Variants in SPEF2 observed in about 807,000 individuals in gnomAD.
The protein encoded by SPEF2 is sperm flagellar and cilia associated 2.
Under a neutral mutation model 224.6 loss-of-function variants are expected in SPEF2, and 187 were observed. The observed-to-expected ratio is 0.83, with a 90% CI of 0.74 to 0.94. SPEF2 has a LOEUF of 0.94. Ranked by LOEUF, SPEF2 falls within the 40% of genes least tolerant of loss-of-function variation. The pLI is 0.00. For missense variants in SPEF2, 2,170 were observed against 2,135.6 expected (o/e 1.02, Z -0.32); for synonymous variants, 715 against 707.3 (o/e 1.01, Z -0.17).
At chr5:35,629,884 T>C (rs1744837159) in intron 2 of SPEF2, among the ~76,000 whole-genome samples, 1 of 152,242 alleles carries the variant, frequency 6.6e-6, no homozygotes, top group Non-Finnish European at 1.5e-5. Flanking sequence ...TCTTCATTTC[T>C]ATTTATTTTC....
At chr5:35,728,883 T>C (rs1745128939) in intron 21 of SPEF2, among the ~76,000 whole-genome samples, 1 of 151,892 alleles carries the variant, frequency 6.6e-6, no homozygotes, top group East Asian at 1.9e-4. Context: ...TATTAATATA[T>C]ATGTAGGTTC....
intron 20 of SPEF2, among the ~76,000 whole-genome samples, chr5:35,720,837 T>G (rs1307487520): frequency 6.6e-6 from 1 of 152,206 alleles, no homozygotes; most frequent in African/African-American, 2.4e-5. Flanking sequence ...AGGGGCCCTC[T>G]GAAGTATTCA....
intron 21 of SPEF2, among the ~76,000 whole-genome samples, chr5:35,736,468 AGT>A (rs139387194): frequency 0.058 from 8,605 of 148,624 alleles, 288 homozygotes; most frequent in African/African-American, 0.1. Flanking sequence ...CAAGTGACAG[AGT>A]GTGTGTGTGT....
chr5:35,641,929 T>TTTG lies in SPEF2; in HGVS notation c.414+258_414+260dup, dbSNP rs892352847. Reference sequence around the variant, plus strand: ...ACTCTTTTCCTAGTTTCCAGTACTTTTTGTTGTTGTTGTTTTAGAGAGACA... The same window carrying TTTG: ...ACTCTTTTCCTAGTTTCCAGTACTTTTTGTTGTTGTTGTTGTTTTAGAGAGACA... On this transcript the variant is annotated intron_variant, in intron 3 of 36. Coordinates refer to ENST00000356031, the MANE Select transcript of SPEF2 (RefSeq NM_024867.4). Among the ~76,000 whole-genome samples the TTTG allele has an allele frequency of 4.6e-5, 7 of 152,150 alleles. No homozygotes were observed. The East Asian group carries it at 7.7e-4, about 17-fold the overall frequency.
intron 26 of SPEF2, chr5:35,764,594 C>T (rs4242258): frequency 0.93 from 422,175 of 456,040 alleles, 196,100 homozygotes; most frequent in South Asian, 0.99. Flanking sequence ...AAGCCTTCTT[C>T]GAGTTTCCAT....
At chr5:35,790,192 CA>C (rs1161696393) in intron 30 of SPEF2, 1 of 696,066 alleles carries the variant, frequency 1.4e-6, no homozygotes. Context: ...CATATGCATG[CA>C]AAAATCAAGG....
chr5:35,703,659 C>G (rs1000958745), intron 16 of SPEF2, among the ~76,000 whole-genome samples: 1 of 152,034 alleles, frequency 6.6e-6, no homozygotes, highest in African/African-American at 2.4e-5. Flanking sequence ...CTGACAGCAG[C>G]GAGGTAGCGA....
intron 23 of SPEF2, among the ~76,000 whole-genome samples, chr5:35,751,041 A>ATG (rs60768948): frequency 0.012 from 367 of 31,778 alleles, 55 homozygotes; most frequent in Non-Finnish European, 0.021. Context: ...ATATACACAT[A>ATG]TGTATATATA....
intron 10 of SPEF2, among the ~76,000 whole-genome samples, chr5:35,683,215 A>G (rs1362194538): frequency 6.6e-6 from 1 of 152,206 alleles, no homozygotes; most frequent in Non-Finnish European, 1.5e-5. Flanking sequence ...GCTAGACAGC[A>G]GAGTGGTAGG....
intron 36 of SPEF2, among the ~76,000 whole-genome samples, chr5:35,814,198 A>T (rs1758699905): frequency 6.6e-6 from 1 of 152,186 alleles, no homozygotes; most frequent in Non-Finnish European, 1.5e-5. Flanking sequence ...CTGCTTTTAC[A>T]AATGTTAATT....
intron 20 of SPEF2, among the ~76,000 whole-genome samples, chr5:35,715,244 A>T (rs1742312672): frequency 6.9e-6 from 1 of 145,464 alleles, no homozygotes; most frequent in Non-Finnish European, 1.5e-5. Context: ...ATAATTGTTT[A>T]TTGTAAAGAA....
intron 36 of SPEF2, among the ~76,000 whole-genome samples, chr5:35,809,746 T>C (rs1297728194): frequency 6.6e-6 from 1 of 152,150 alleles, no homozygotes; most frequent in Non-Finnish European, 1.5e-5. Flanking sequence ...TGATATGATG[T>C]TAATTTCTTC....
At chr5:35,774,917 A>G (rs1561344607) in intron 28 of SPEF2, among the ~76,000 whole-genome samples, 1 of 152,200 alleles carries the variant, frequency 6.6e-6, no homozygotes, top group Non-Finnish European at 1.5e-5. Flanking sequence ...TGCATCTCCC[A>G]TATTGCCTGC....
At chr5:35,720,445 A>G (rs1180519232) in intron 20 of SPEF2, among the ~76,000 whole-genome samples, 1 of 152,258 alleles carries the variant, frequency 6.6e-6, no homozygotes, top group East Asian at 1.9e-4. Context: ...CAGTGTCACA[A>G]TCTCCAAAGT....
rs753666692 is a variant in SPEF2 at position 35,763,626 on chromosome 5, T to C, written c.3725T>C (p.Val1242Ala). 3.7e-6 allele frequency: 6 copies of C among 1,613,942 alleles called. No homozygotes were observed. The highest frequency in any genetic ancestry group is 1.6e-4 in the Middle Eastern group (1 of 6,062). The change falls in exon 26 of 37, where the codon GTT becomes GCT. Residue 1242 changes from valine (V) to alanine (A), a missense_variant. Transcript: ENST00000356031. ...KGKMDNSLEN[V>A]ESNFEADEKL... ...AAGATGGATAACTCCCTAGAAAACG[T>C]TGAGTCCAACTTTGAGGCCGATGAA...
intron 23 of SPEF2, among the ~76,000 whole-genome samples, chr5:35,743,040 A>G (rs892998868): frequency 6.6e-6 from 1 of 151,456 alleles, no homozygotes; most frequent in African/African-American, 2.4e-5. Flanking sequence ...AGTTAATCCA[A>G]TGATGTGAGA....
chr5:35,793,976 T>C (rs1756317895), intron 32 of SPEF2, among the ~76,000 whole-genome samples: 1 of 152,192 alleles, frequency 6.6e-6, no homozygotes, highest in East Asian at 1.9e-4. Context: ...AAGTAATGGA[T>C]AACCCAGTAG....
At chr5:35,721,395 G>C (rs1743637402) in intron 20 of SPEF2, among the ~76,000 whole-genome samples, 1 of 152,186 alleles carries the variant, frequency 6.6e-6, no homozygotes, top group Admixed American at 6.5e-5. Context: ...TTGGTGAGTT[G>C]CTTTAATTGT....
At chr5:35,799,058 G>A (rs550253813) in intron 33 of SPEF2, among the ~76,000 whole-genome samples, 1 of 152,268 alleles carries the variant, frequency 6.6e-6, no homozygotes, top group Non-Finnish European at 1.5e-5. Flanking sequence ...TCTGACTCTA[G>A]GAACTTGCTT....
Sources: gnomAD v4.1 joint callset for allele counts (sites outside exome capture counted in the v4.1 genomes callset) on GRCh38, gnomAD v4.1.1 for gene constraint, MANE v1.5 for transcripts, NCBI Gene and HGNC (gene_info 2026-07-23, HGNC 2026-07-21) for gene names.